KARS1: variants seen among roughly 807,000 people sequenced by gnomAD.
The protein encoded by KARS1 is lysine--tRNA ligase.
A neutral mutation model predicts 63.9 loss-of-function variants in KARS1; 50 were observed. The observed-to-expected ratio is 0.78, with a 90% CI of 0.62 to 0.99. The LOEUF (loss-of-function observed/expected upper bound fraction) is 0.99. KARS1 is among the 50% of genes least tolerant of loss of function. The pLI, the probability that KARS1 is intolerant of heterozygous loss-of-function variation, is 0.00. For synonymous variants in KARS1, 320 were observed against 264.6 expected, an observed-to-expected ratio of 1.21 and a Z score of -2.03; for missense variants, 816 against 754.5, an observed-to-expected ratio of 1.08 and a Z score of -0.95.
In KARS1 at chr16:75,628,921, C is replaced by A; in HGVS notation, c.1552-209G>T. On this transcript the variant is annotated intron_variant, in intron 12 of 13. Coordinates refer to ENST00000302445, the MANE Select transcript of KARS1 (RefSeq NM_005548.3). ...AGGTCAGGACTGATGAAATCGACCT[C>A]AGAACACATACAAATTTCTCTGAAA... The A allele has an allele frequency of 1.6e-6, 1 of 612,604 alleles. No homozygotes were observed. Among genetic ancestry groups the A allele is most frequent in the Non-Finnish European group, 2.9e-6 (1 of 345,542 alleles). The allele number at this position is 612,604 out of a possible 1,614,324, so 37.9% of individuals were successfully genotyped here. A position where few individuals can be genotyped will look rare whatever the true frequency, so the allele number is the denominator to read the frequency against.
At position 75,643,538 on chromosome 16, in the gene KARS1, C is replaced by T. The variant is rs141302727; in HGVS notation, c.63-1815G>A. On this transcript the variant is annotated intron_variant, in intron 1 of 13. Transcript: ENST00000302445. ...GACTACAGGTGCCCGCCACCATGCC[C>T]GGCTAATTTTTTTGGTATTTTTAGT... Among the ~76,000 whole-genome samples the T allele has an allele frequency of 9.9e-3, 1,503 of 152,112 alleles. 33 individuals are homozygous for T. The highest frequency in any genetic ancestry group is 0.031 in the African/African-American group (1,275 of 41,500).
At chr16:75,642,999 A>G (rs2082241513) in intron 1 of KARS1, among the ~76,000 whole-genome samples, 1 of 152,210 alleles carries the variant, frequency 6.6e-6, no homozygotes. Flanking sequence ...TGTGCCTCAT[A>G]TAGATTTAAA....
intron 5 of KARS1, 22 bp from the exon 6 acceptor site, chr16:75,635,827 G>C (rs768730599): frequency 3.7e-6 from 6 of 1,614,212 alleles, no homozygotes; most frequent in South Asian, 1.1e-5. Context: ...GCAGCAGTTA[G>C]AAATCACTGG....
intron 6 of KARS1, 174 bp downstream of exon 6, chr16:75,635,506 C>G: frequency 2.7e-6 from 2 of 738,284 alleles, no homozygotes; most frequent in Non-Finnish European, 4.7e-6. Flanking sequence ...GAAGTCAGGT[C>G]CTGCCTTCCT....
chr16:75,633,764 G>A (rs980114752), intron 7 of KARS1, among the ~76,000 whole-genome samples: 4 of 152,190 alleles, frequency 2.6e-5, no homozygotes, highest in African/African-American at 4.8e-5. Flanking sequence ...TGATCCATCC[G>A]CCTTGGCCTC....
chr16:75,630,286 A>G (rs2082097012), intron 11 of KARS1, 137 bp downstream of exon 11: 1 of 670,778 alleles, frequency 1.5e-6, no homozygotes, highest in African/African-American at 1.8e-5. Flanking sequence ...CCCAGTTGAA[A>G]AAAAGCCACT....
At chr16:75,641,864 A>G in intron 1 of KARS1, 141 bp from the exon 2 acceptor site, 2 of 803,644 alleles carry the variant, frequency 2.5e-6, no homozygotes, top group Non-Finnish European at 4.3e-6. Flanking sequence ...CCACACCCAC[A>G]GCTCAGCTCA....
chr16:75,637,214 T>G (rs1445775162), intron 3 of KARS1, among the ~76,000 whole-genome samples: 2 of 151,652 alleles, frequency 1.3e-5, no homozygotes, highest in African/African-American at 4.8e-5. Flanking sequence ...TGGACAAAAT[T>G]TACAACAAAA....
Position 75,647,611 on chromosome 16 carries a change from T to C in KARS1, c.29A>G (p.Lys10Arg), listed in dbSNP as rs2082304459. The C allele has an allele frequency of 6.2e-6, 10 of 1,613,362 alleles. No homozygotes were observed. In the South Asian group the frequency reaches 8.8e-5, roughly 14 times the overall value. Residue 10 changes from lysine to arginine, a missense_variant, in exon 1 of 14, where the codon AAA becomes AGA. Coordinates refer to ENST00000302445, the MANE Select transcript of KARS1 (RefSeq NM_005548.3). ...CAGTTTCGGCTCGCTGCCATCCACT[T>C]TCACCTCGGCCGCCTGCACGGCCGC... MAAVQAAEVKVDGSEPKLSK... is the reference protein window; with the variant it reads MAAVQAAEVRVDGSEPKLSK...
intron 12 of KARS1, chr16:75,629,159 T>C (rs2082082612): frequency 1.9e-6 from 1 of 528,622 alleles, no homozygotes; most frequent in Non-Finnish European, 3.4e-6. Context: ...GAAAATAATG[T>C]TCTTGCTTGG....
chr16:75,644,422 T>C (rs777705897), intron 1 of KARS1: 1 of 1,611,020 alleles, frequency 6.2e-7, no homozygotes, highest in Non-Finnish European at 8.5e-7. Context: ...GCAGCTTGCG[T>C]CAACATGGCA....
At chr16:75,639,302 C>T (rs892273190) in intron 3 of KARS1, among the ~76,000 whole-genome samples, 2 of 151,700 alleles carry the variant, frequency 1.3e-5, no homozygotes, top group African/African-American at 4.8e-5. Flanking sequence ...CAGGGTGTGG[C>T]GGCTCACGCC....
At chr16:75,629,588 T>C (rs1286305568) in intron 11 of KARS1, 47 bp from the exon 12 acceptor site, 20 of 1,608,952 alleles carry the variant, frequency 1.2e-5, no homozygotes, top group Non-Finnish European at 1.7e-5. Flanking sequence ...AGGCCCCTAA[T>C]GAGCTAAATT....
intron 1 of KARS1, among the ~76,000 whole-genome samples, chr16:75,643,511 G>A (rs1307057344): frequency 6.6e-6 from 1 of 151,864 alleles, no homozygotes; most frequent in Non-Finnish European, 1.5e-5. Flanking sequence ...CGGAGTAGCT[G>A]GGACTACAGG....
chr16:75,633,978 C>A, intron 7 of KARS1, 195 bp downstream of exon 7: 1 of 658,560 alleles, frequency 1.5e-6, no homozygotes. Context: ...CCTTTGGTCT[C>A]TGCCCTACAA....
At chr16:75,638,788 C>T (rs17697211) in intron 3 of KARS1, among the ~76,000 whole-genome samples, 17,928 of 150,796 alleles carry the variant, frequency 0.12, 2,632 homozygotes, top group East Asian at 0.71. Context: ...TGACAATTAT[C>T]GAAAAGAATC....
intron 3 of KARS1, among the ~76,000 whole-genome samples, chr16:75,636,768 G>T (rs1017074126): frequency 6.6e-6 from 1 of 151,686 alleles, no homozygotes; most frequent in South Asian, 2.1e-4. Flanking sequence ...TGAGTAGCTG[G>T]GATTACAGGT....
chr16:75,636,894 C>A (rs1476663630), intron 3 of KARS1, among the ~76,000 whole-genome samples: 4 of 151,746 alleles, frequency 2.6e-5, no homozygotes, highest in African/African-American at 9.7e-5. Flanking sequence ...CCCACCTCAG[C>A]CTCCCAAAGT....
Position 75,636,012 on chromosome 16 carries a change from T to C in KARS1, c.569A>G (p.Lys190Arg), listed in dbSNP as rs1485462084. 6.2e-7 allele frequency: 1 copy of C among 1,613,390 alleles called. No homozygotes were observed. The highest frequency in any genetic ancestry group is 8.5e-7 in the Non-Finnish European group (1 of 1,179,342). ...GATGCTCAGCTCACCCTTCTTGGTT[T>C]TACCAGGATTCCCCTGAACTCCAAT... ...DIIGVQGNPG[K>R]TKKGELSIIP... is the part of the protein sequence containing the mutation. The change falls in exon 5 of 14, where the codon AAA becomes AGA. Residue 190 changes from lysine to arginine, a missense_variant. By Grantham distance (26) the Lys-to-Arg change is conservative (BLOSUM62 2). Coordinates refer to ENST00000302445, the MANE Select transcript of KARS1 (RefSeq NM_005548.3).
Sources: gnomAD v4.1 joint callset for allele counts (sites outside exome capture counted in the v4.1 genomes callset) on GRCh38, gnomAD v4.1.1 for gene constraint, MANE v1.5 for transcripts, NCBI Gene and HGNC (gene_info 2026-07-23, HGNC 2026-07-21) for gene names.